ZGRF1: variants seen among roughly 807,000 people sequenced by gnomAD.
The protein encoded by ZGRF1 is zinc finger GRF-type containing 1.
Under a neutral mutation model 203.5 loss-of-function variants are expected in ZGRF1, and 196 were observed. That is an observed-to-expected ratio of 0.96 (90% CI 0.86 to 1.08). The LOEUF (loss-of-function observed/expected upper bound fraction) is 1.08, where lower values mean the gene tolerates loss of function less well. Ranked by LOEUF, ZGRF1 falls within the 50% of genes least tolerant of loss-of-function variation. The pLI, the probability that ZGRF1 is intolerant of heterozygous loss-of-function variation, is 0.00. For missense variants in ZGRF1, 2,326 were observed against 2,416.3 expected, an observed-to-expected ratio of 0.96 and a Z score of 0.78; for synonymous variants, 809 against 841.3, an observed-to-expected ratio of 0.96 and a Z score of 0.66.
rs531908699 is a variant in ZGRF1, at chr4:112,575,946, G to A, written c.4438+5717C>T. ...AAGAGAGTAGTGGTTCTCCCAGCAC[G>A]CAGCTGGACATCTGAGAATGGACAG... On this transcript the variant is annotated intron_variant, in intron 16 of 27. Coordinates refer to ENST00000505019, the MANE Select transcript of ZGRF1 (RefSeq NM_018392.5). 9.2e-5 allele frequency among the ~76,000 whole-genome samples: 14 copies of A among 152,308 alleles called. No homozygotes were observed. In the East Asian group the frequency reaches 1.2e-3, roughly 13 times the overall value.
intron 22 of ZGRF1, among the ~76,000 whole-genome samples, chr4:112,552,004 G>A (rs756428417): frequency 9.9e-5 from 15 of 152,070 alleles, no homozygotes; most frequent in Non-Finnish European, 1.6e-4. Context: ...TCTTCCGGGC[G>A]CGGTGGCTCA....
In ZGRF1 at chr4:112,618,583, T is replaced by C. The variant is rs1431993642; in HGVS notation, c.1459A>G (p.Ile487Val). 1 of 1,613,660 alleles carries C rather than the reference T, an allele frequency of 6.2e-7. No homozygotes were observed. Among genetic ancestry groups the C allele is most frequent in the Admixed American group, 1.7e-5 (1 of 60,004 alleles). The change falls in exon 6 of 28, where the codon ATT becomes GTT. Residue 487 changes from isoleucine (I) to valine (V), a missense_variant. Transcript: ENST00000505019. ...ATCCTAGAATTATTACTAGATTCAA[T>C]TTGGAGATGTTTCAGTTCTGGCAGA... is the stretch of plus-strand genomic sequence containing the variant. ...SSLPELKHLQ[I>V]ESSNNSRISD... is the part of the protein sequence containing the mutation.
rs2046994717 is a variant in ZGRF1, at chr4:112,619,495, TG to T, written c.546del (p.Tyr182Ter). On this transcript the variant is annotated frameshift_variant, in exon 6 of 28. Coordinates refer to ENST00000505019, the MANE Select transcript of ZGRF1 (RefSeq NM_018392.5). LOFTEE classifies it high-confidence loss of function. ...ILADPENIVTYKNRERNAMDF... is the reference protein window; with the variant it reads ...ILADPENIVTXKNRERNAMDF... The stretch of plus-strand genomic sequence containing the variant: ...TCCATGGCATTTCTCTCCCTGTTCT[TG>T]TAAGTCACAATGTTCTCAGGGTCTG... The T allele has an allele frequency of 5.0e-6, 8 of 1,613,410 alleles. No individual in the cohort carries two copies. The highest frequency in any genetic ancestry group is 6.8e-6 in the Non-Finnish European group (8 of 1,179,714).
intron 3 of ZGRF1, chr4:112,628,545 A>C (rs935212049): frequency 3.5e-5 from 16 of 454,934 alleles, no homozygotes; most frequent in Middle Eastern, 3.2e-4. Context: ...CATAACTAGC[A>C]AGAGAAGAAT....
chr4:112,606,180 T>G, intron 8 of ZGRF1, 89 bp from the exon 9 acceptor site: 1 of 862,838 alleles, frequency 1.2e-6, no homozygotes, highest in Non-Finnish European at 1.8e-6. Context: ...TTGCAAAACT[T>G]AAGTTTGCCC....
intron 14 of ZGRF1, among the ~76,000 whole-genome samples, chr4:112,584,631 G>A (rs1353343854): frequency 2.0e-5 from 3 of 152,020 alleles, no homozygotes; most frequent in Non-Finnish European, 4.4e-5. Flanking sequence ...AACATAGTAC[G>A]AGCATGCAAC....
chr4:112,548,103 A>G lies in ZGRF1; in HGVS notation c.5474+150T>C, dbSNP rs949382833. ...ATTTTAGGCACACACTACCATGCCC[A>G]GCTAATTTTGTATTTTTTGTAGAAA... On this transcript the variant is annotated intron_variant, in intron 23 of 27. Coordinates refer to ENST00000505019, the MANE Select transcript of ZGRF1 (RefSeq NM_018392.5). 4.7e-6 allele frequency: 3 copies of G among 642,144 alleles called. No individual in the cohort carries two copies. In the African/African-American group the frequency reaches 5.5e-5, roughly 12 times the overall value. The allele number at this position is 642,144 out of a possible 1,614,324, so 39.8% of individuals were successfully genotyped here.
chr4:112,581,622 T>A (rs752021603), intron 16 of ZGRF1, 41 bp downstream of exon 16: 1 of 1,448,514 alleles, frequency 6.9e-7, no homozygotes, highest in African/African-American at 1.5e-5. Context: ...ATGGAGATAA[T>A]AAGGCTAGAC....
chr4:112,633,441 C>T (rs1344774397), intron 1 of ZGRF1, among the ~76,000 whole-genome samples, 199 bp from the exon 2 acceptor site: 1 of 152,088 alleles, frequency 6.6e-6, no homozygotes, highest in Non-Finnish European at 1.5e-5. Flanking sequence ...AGCATTTTTT[C>T]ATAAGTAAAG....
At position 112,631,869 on chromosome 4, in the gene ZGRF1, T is replaced by C. The variant is rs532305202; in HGVS notation, c.102+61A>G. 86 of 812,068 alleles carry C rather than the reference T, an allele frequency of 1.1e-4. 1 individual carries two copies. In the Middle Eastern group the frequency reaches 2.4e-3, roughly 22 times the overall value. The allele number at this position is 812,068 out of a possible 1,614,324, so 50.3% of individuals were successfully genotyped here. A position where few individuals can be genotyped will look rare whatever the true frequency, so the allele number is the denominator to read the frequency against. On this transcript the variant is annotated intron_variant, in intron 3 of 27. Coordinates refer to ENST00000505019, the MANE Select transcript of ZGRF1 (RefSeq NM_018392.5). ...ATTTTATCATGTACAGTTTTTTAAATATTCAATCAAAAATCGAGAACCTTG... is the reference window on the plus strand; with the variant it reads ...ATTTTATCATGTACAGTTTTTTAAACATTCAATCAAAAATCGAGAACCTTG...
intron 3 of ZGRF1, among the ~76,000 whole-genome samples, chr4:112,630,831 G>A (rs1488578523): frequency 6.6e-6 from 1 of 151,268 alleles, no homozygotes; most frequent in African/African-American, 2.4e-5. Context: ...AGGCTGCAGT[G>A]AGCCGAGATC....
In ZGRF1 at chr4:112,586,566, C is replaced by A. The variant is rs764378820; in HGVS notation, c.3795G>T (p.Glu1265Asp). The A allele has an allele frequency of 1.2e-6, 2 of 1,609,842 alleles. No homozygotes were observed. ...VKDLQEISGSELCFPSGQKIK... is the reference protein window; with the variant it reads ...VKDLQEISGSDLCFPSGQKIK... Reference sequence around the variant, plus strand: ...TTTTCTGCCCACTTGGAAAGCACAGCTCAGAGCCACTTATCTCCTGCAATG... The same window carrying A: ...TTTTCTGCCCACTTGGAAAGCACAGATCAGAGCCACTTATCTCCTGCAATG... The change falls in exon 13 of 28, where the codon GAG becomes GAT. Residue 1265 changes from glutamate (E) to aspartate (D), a missense_variant. Coordinates refer to ENST00000505019, the MANE Select transcript of ZGRF1 (RefSeq NM_018392.5).
chr4:112,575,767 A>G (rs1745080775), intron 16 of ZGRF1, among the ~76,000 whole-genome samples: 3 of 152,200 alleles, frequency 2.0e-5, no homozygotes. Flanking sequence ...GAGTAGGTAA[A>G]CAAAGTGGCA....
At chr4:112,604,494 T>A (rs567998341) in intron 9 of ZGRF1, among the ~76,000 whole-genome samples, 1 of 152,294 alleles carries the variant, frequency 6.6e-6, no homozygotes, top group East Asian at 1.9e-4. Flanking sequence ...ATGTTTTGCT[T>A]CATCTAGGTA....
chr4:112,541,916 C>T (rs1001760471), intron 24 of ZGRF1, among the ~76,000 whole-genome samples: 3 of 152,160 alleles, frequency 2.0e-5, no homozygotes, highest in Non-Finnish European at 4.4e-5. Flanking sequence ...GTAAATATCT[C>T]GTTAACTTTC....
At chr4:112,568,555 A>T (rs1296104657) in intron 16 of ZGRF1, among the ~76,000 whole-genome samples, 1 of 151,236 alleles carries the variant, frequency 6.6e-6, no homozygotes, top group Non-Finnish European at 1.5e-5. Flanking sequence ...TACTACAAAT[A>T]AAAAAAACTA....
chr4:112,606,911 G>A (rs893476683), intron 8 of ZGRF1, among the ~76,000 whole-genome samples: 7 of 152,066 alleles, frequency 4.6e-5, no homozygotes, highest in Non-Finnish European at 8.8e-5. Flanking sequence ...TTTTTCATAT[G>A]ACTTGGATAG....
At chr4:112,541,842 T>C (rs1312889369) in intron 24 of ZGRF1, among the ~76,000 whole-genome samples, 1 of 152,132 alleles carries the variant, frequency 6.6e-6, no homozygotes, top group African/African-American at 2.4e-5. Flanking sequence ...TATGCTTTTA[T>C]AATATATCTG....
At chr4:112,542,481 T>C (rs556513518) in intron 24 of ZGRF1, among the ~76,000 whole-genome samples, 2 of 152,314 alleles carry the variant, frequency 1.3e-5, no homozygotes, top group African/African-American at 4.8e-5. Flanking sequence ...TATGTACAAA[T>C]ACATACATTT....
Sources: gnomAD v4.1 joint callset for allele counts (sites outside exome capture counted in the v4.1 genomes callset) on GRCh38, gnomAD v4.1.1 for gene constraint, MANE v1.5 for transcripts, NCBI Gene and HGNC (gene_info 2026-07-23, HGNC 2026-07-21) for gene names.